The following ARHGAP21 variants were observed in gnomAD, a reference collection of about 807,000 sequenced individuals.
ARHGAP21 encodes the protein Rho GTPase activating protein 21.
A neutral mutation model predicts 164.6 loss-of-function variants in ARHGAP21; 38 were observed. The observed-to-expected ratio is 0.23, with a 90% CI of 0.18 to 0.30. ARHGAP21 has a LOEUF of 0.30. Among genes scored for constraint, ARHGAP21 ranks in the 10% least tolerant of loss-of-function variants. The probability of loss-of-function intolerance (pLI) is 1.00; values close to 1 mark genes in which losing one functional copy is unlikely to be tolerated. For missense variants in ARHGAP21, 1,822 were observed against 2,370.7 expected, an observed-to-expected ratio of 0.77 and a Z score of 4.81; for synonymous variants, 766 against 857.9, an observed-to-expected ratio of 0.89 and a Z score of 1.87.
At chr10:24,635,847 T>C (rs1307138364) in intron 4 of ARHGAP21, among the ~76,000 whole-genome samples, 1 of 152,222 alleles carries the variant, frequency 6.6e-6, no homozygotes, top group Non-Finnish European at 1.5e-5. Flanking sequence ...GCCCAGCCTC[T>C]ACTGCTTCTT....
chr10:24,674,841 A>T (rs539837228), intron 2 of ARHGAP21, among the ~76,000 whole-genome samples: 1 of 152,330 alleles, frequency 6.6e-6, no homozygotes, highest in African/African-American at 2.4e-5. Flanking sequence ...TAGAATATAT[A>T]AAGAACTCTC....
At chr10:24,607,167 C>G (rs957621162) in intron 11 of ARHGAP21, among the ~76,000 whole-genome samples, 1 of 152,146 alleles carries the variant, frequency 6.6e-6, no homozygotes, top group African/African-American at 2.4e-5. Flanking sequence ...AGTACACACA[C>G]ATATATGCAT....
intron 24 of ARHGAP21, chr10:24,590,940 T>TAAAAAAAAAA (rs901265529): frequency 1.3e-5 from 9 of 680,378 alleles, no homozygotes; most frequent in African/African-American, 2.3e-5. Context: ...AACTGTGAAT[T>TAAAAAAAAAA]AAAAAAAAAA....
At chr10:24,640,110 A>T (rs1237934305) in intron 4 of ARHGAP21, 1 of 151,944 alleles carries the variant, frequency 6.6e-6, no homozygotes, top group Non-Finnish European at 1.5e-5. Context: ...GTTTATACAA[A>T]GAAAAACTAT....
At chr10:24,590,675 C>A (rs2076288450) in intron 24 of ARHGAP21, 2 of 1,329,038 alleles carry the variant, frequency 1.5e-6, no homozygotes, top group Non-Finnish European at 1.9e-6. Flanking sequence ...AGGGTGGCAA[C>A]AGGAAACAGA....
At chr10:24,688,757 A>G (rs2131979570) in intron 2 of ARHGAP21, among the ~76,000 whole-genome samples, 1 of 152,296 alleles carries the variant, frequency 6.6e-6, no homozygotes, top group South Asian at 2.1e-4. Flanking sequence ...GCATCCTGAC[A>G]CAGGAGTTAA....
intron 8 of ARHGAP21, 21 bp from the exon 9 acceptor site, chr10:24,621,390 GGT>G (rs1834529410): frequency 1.3e-6 from 2 of 1,532,686 alleles, no homozygotes; most frequent in East Asian, 4.6e-5. Context: ...ATGAGAGGAA[GGT>G]GTCACTGGAA....
chr10:24,629,617 T>G (rs569774663), intron 7 of ARHGAP21: 35 of 168,068 alleles, frequency 2.1e-4, no homozygotes, highest in African/African-American at 7.9e-4. Context: ...ATTTTTTTTT[T>G]TTCTCTGTAC....
chr10:24,643,371 T>C (rs1837269939), intron 4 of ARHGAP21, among the ~76,000 whole-genome samples: 1 of 152,218 alleles, frequency 6.6e-6, no homozygotes, highest in Non-Finnish European at 1.5e-5. Context: ...TCAGAAAAAT[T>C]TGTTATGGTG....
chr10:24,604,777 G>A (rs576129715), intron 11 of ARHGAP21, among the ~76,000 whole-genome samples: 2 of 152,144 alleles, frequency 1.3e-5, no homozygotes, highest in South Asian at 4.2e-4. Context: ...TCCTGCTGGT[G>A]GATACCCTGA....
At chr10:24,694,093 C>A (rs879781323) in intron 2 of ARHGAP21, among the ~76,000 whole-genome samples, 1 of 152,168 alleles carries the variant, frequency 6.6e-6, no homozygotes, top group Non-Finnish European at 1.5e-5. Flanking sequence ...AAGCTGGGAT[C>A]TAAATGTTAG....
Position 24,601,398 on chromosome 10 carries a change from A to C in ARHGAP21, c.2848-468T>G, listed in dbSNP as rs573403980. Among the ~76,000 whole-genome samples the C allele has an allele frequency of 4.6e-5, 7 of 152,312 alleles. No homozygotes were observed. The South Asian group carries it at 1.5e-3, about 32-fold the overall frequency. ...GGCTAAGCAACTCTATCCACATCCA[A>C]AGTGAGCTTTCTTAAAATTTTTAAA... On this transcript the variant is annotated intron_variant, in intron 13 of 25. Coordinates refer to ENST00000396432, the MANE Select transcript of ARHGAP21 (RefSeq NM_020824.4).
chr10:24,690,372 A>G (rs1024113155), intron 2 of ARHGAP21, among the ~76,000 whole-genome samples: 1 of 152,240 alleles, frequency 6.6e-6, no homozygotes, highest in African/African-American at 2.4e-5. Context: ...TGAGATTCCT[A>G]TATCCATATT....
chr10:24,661,156 T>A (rs1457682009), intron 4 of ARHGAP21, among the ~76,000 whole-genome samples: 1 of 149,548 alleles, frequency 6.7e-6, no homozygotes, highest in African/African-American at 2.4e-5. Flanking sequence ...TATATTTATA[T>A]TATAAATTAT....
chr10:24,609,584 A>T lies in ARHGAP21; in HGVS notation c.2423-1681T>A, dbSNP rs1318947541. Among the ~76,000 whole-genome samples the T allele has an allele frequency of 2.6e-5, 4 of 152,346 alleles. No homozygotes were observed. In the East Asian group the frequency reaches 7.7e-4, roughly 29 times the overall value. On this transcript the variant is annotated intron_variant, in intron 9 of 25. Coordinates refer to ENST00000396432, the MANE Select transcript of ARHGAP21 (RefSeq NM_020824.4). ...AGCTAAACATACTTTTAAAGTAAACACAATTACATTACCTCACATTTACAG... is the reference window on the plus strand; with the variant it reads ...AGCTAAACATACTTTTAAAGTAAACTCAATTACATTACCTCACATTTACAG...
rs781531928 is a variant in ARHGAP21, at chr10:24,585,876, G to A, written c.4413C>T (p.Ile1471=). 7.0e-5 allele frequency: 113 copies of A among 1,613,878 alleles called. No individual in the cohort carries two copies. Among genetic ancestry groups the A allele is most frequent in the Non-Finnish European group, 6.8e-5 (80 of 1,179,908 alleles). The change falls in exon 26 of 26, where the codon ATC becomes ATT. Residue 1471 remains isoleucine (I), a synonymous_variant. Coordinates refer to ENST00000396432, the MANE Select transcript of ARHGAP21 (RefSeq NM_020824.4). ...TAGTGCTGTTTTCTTTGGCAATGAT[G>A]ATCTTCTGTTTTCTGCCCAGTGTCT... ...ESETLGRKQK[I]IIAKENSTRK...
At chr10:24,623,642 G>A (rs1344597191) in intron 7 of ARHGAP21, among the ~76,000 whole-genome samples, 1 of 152,100 alleles carries the variant, frequency 6.6e-6, no homozygotes, top group Non-Finnish European at 1.5e-5. Flanking sequence ...GTACTGTCTG[G>A]TACAGCATTT....
intron 12 of ARHGAP21, among the ~76,000 whole-genome samples, chr10:24,603,415 A>T (rs1014853246): frequency 8.5e-5 from 13 of 152,170 alleles, no homozygotes; most frequent in Non-Finnish European, 1.6e-4. Context: ...GGCTGAGAAG[A>T]AGTAGAAACT....
chr10:24,601,849 CTATT>C (rs1165792499), intron 13 of ARHGAP21, 125 bp downstream of exon 13: 20 of 1,148,996 alleles, frequency 1.7e-5, no homozygotes, highest in African/African-American at 6.4e-5. Flanking sequence ...GTAGAAAAAT[CTATT>C]TATAAATGGT....
Sources: allele counts gnomAD v4.1 joint callset (sites outside exome capture counted in the v4.1 genomes callset), GRCh38; gene constraint gnomAD v4.1.1; transcripts MANE v1.5; gene names NCBI Gene and HGNC (gene_info 2026-07-23, HGNC 2026-07-21).